RIMBP2: variants seen among roughly 807,000 people sequenced by gnomAD.
RIMBP2 encodes RIMS-binding protein 2.
RIMBP2 carries 48 observed loss-of-function variants against 118.6 expected under a neutral mutation model. The ratio of observed to expected loss-of-function variants is 0.40; its 90% CI spans 0.32 to 0.51. The LOEUF (loss-of-function observed/expected upper bound fraction) is 0.51. Among genes scored for constraint, RIMBP2 ranks in the 20% least tolerant of loss-of-function variants. The pLI is 0.41. For missense variants in RIMBP2, 1,551 were observed against 1,768.3 expected (o/e 0.88, Z 2.20); for synonymous variants, 762 against 742.9 (o/e 1.03, Z -0.42).
intron 2 of RIMBP2, among the ~76,000 whole-genome samples, chr12:130,601,875 C>G (rs2140439827): frequency 6.6e-6 from 1 of 152,306 alleles, no homozygotes; most frequent in South Asian, 2.1e-4. Context: ...GACATAATCC[C>G]TGTAGAAGCT....
At chr12:130,427,263 C>T (rs917999663) in intron 15 of RIMBP2, 7 of 152,206 alleles carry the variant, frequency 4.6e-5, no homozygotes, top group East Asian at 1.9e-4. Flanking sequence ...ATTTCCTCTC[C>T]AAGGCCTTTT....
At chr12:130,473,205 G>A (rs1012995029) in intron 5 of RIMBP2, among the ~76,000 whole-genome samples, 1 of 152,250 alleles carries the variant, frequency 6.6e-6, no homozygotes, top group Non-Finnish European at 1.5e-5. Flanking sequence ...AGAATAGACT[G>A]TTGAAATTGG....
At chr12:130,713,820 G>T (rs1378315191) in intron 1 of RIMBP2, among the ~76,000 whole-genome samples, 1 of 152,196 alleles carries the variant, frequency 6.6e-6, no homozygotes, top group African/African-American at 2.4e-5. Context: ...ACCAACCTAT[G>T]AGGCGTGCAC....
intron 2 of RIMBP2, among the ~76,000 whole-genome samples, chr12:130,527,168 G>A (rs2052891437): frequency 6.6e-6 from 1 of 152,132 alleles, no homozygotes. Flanking sequence ...ATGTAATTTG[G>A]GGAAAATTAT....
At chr12:130,453,018 T>G (rs1245680107) in intron 7 of RIMBP2, among the ~76,000 whole-genome samples, 2 of 152,110 alleles carry the variant, frequency 1.3e-5, no homozygotes. Flanking sequence ...CCCCTCGAGA[T>G]GCAAACACCG....
chr12:130,703,599 C>T lies in RIMBP2; in HGVS notation c.-352+12623G>A, dbSNP rs1438298673. On this transcript the variant is annotated intron_variant, in intron 1 of 22. Coordinates refer to ENST00000690449, the MANE Select transcript of RIMBP2 (RefSeq NM_001393629.1). The surrounding 1 kb of genome is among the most constrained non-coding windows in gnomAD (Gnocchi z 5.7). Reference sequence around the variant, plus strand: ...CTCCATCAGATCCCGTAATCGGATCCGGGCGCTTTAGCCCTCACGTGACTA... The same window carrying T: ...CTCCATCAGATCCCGTAATCGGATCTGGGCGCTTTAGCCCTCACGTGACTA... Among the ~76,000 whole-genome samples, 2 of 152,200 alleles carry T rather than the reference C, an allele frequency of 1.3e-5. No homozygotes were observed. The highest frequency in any genetic ancestry group is 2.9e-5 in the Non-Finnish European group (2 of 68,040).
At chr12:130,646,029 C>A (rs61936786) in intron 1 of RIMBP2, among the ~76,000 whole-genome samples, 1 of 139,000 alleles carries the variant, frequency 7.2e-6, no homozygotes, top group African/African-American at 2.5e-5. Context: ...ATCTGTGGTG[C>A]GGCAGCCAGT....
intron 1 of RIMBP2, among the ~76,000 whole-genome samples, chr12:130,644,787 C>G (rs1037997708): frequency 1.3e-5 from 2 of 152,250 alleles, no homozygotes; most frequent in African/African-American, 4.8e-5. Flanking sequence ...AAATCATCCT[C>G]CGGCCTGAGA....
At chr12:130,636,383 T>C (rs541374956) in intron 1 of RIMBP2, among the ~76,000 whole-genome samples, 1 of 152,290 alleles carries the variant, frequency 6.6e-6, no homozygotes, top group African/African-American at 2.4e-5. Context: ...GGCGGTTGTA[T>C]GTATCTTATT....
intron 2 of RIMBP2, among the ~76,000 whole-genome samples, chr12:130,575,910 G>A (rs1168645314): frequency 2.6e-5 from 4 of 152,176 alleles, no homozygotes; most frequent in African/African-American, 9.7e-5. Context: ...AAATGTTCTG[G>A]GCTTTTTCTT....
chr12:130,539,725 G>A (rs555015006), intron 2 of RIMBP2, among the ~76,000 whole-genome samples: 1 of 113,488 alleles, frequency 8.8e-6, no homozygotes, highest in Non-Finnish European at 1.7e-5. Flanking sequence ...AAATGCAGTC[G>A]ATGAGGTGGC....
At chr12:130,603,513 A>C (rs1292384773) in intron 2 of RIMBP2, among the ~76,000 whole-genome samples, 2 of 152,360 alleles carry the variant, frequency 1.3e-5, no homozygotes, top group East Asian at 3.9e-4. Context: ...ATGCAGAATC[A>C]TGTGCCCAGT....
At chr12:130,558,856 T>C (rs914095117) in intron 2 of RIMBP2, among the ~76,000 whole-genome samples, 1 of 152,042 alleles carries the variant, frequency 6.6e-6, no homozygotes, top group African/African-American at 2.4e-5. Context: ...TAAATGACAT[T>C]TGCTGTTAAC....
At chr12:130,712,130 T>C (rs573792002) in intron 1 of RIMBP2, among the ~76,000 whole-genome samples, 4 of 152,036 alleles carry the variant, frequency 2.6e-5, no homozygotes, top group Non-Finnish European at 5.9e-5. Flanking sequence ...GAGTGAGGAG[T>C]GGACGTGAGG....
intron 3 of RIMBP2, among the ~76,000 whole-genome samples, chr12:130,516,449 A>G (rs1308496123): frequency 6.6e-6 from 1 of 152,250 alleles, no homozygotes; most frequent in African/African-American, 2.4e-5. Flanking sequence ...GGAGACAGAC[A>G]AACACATAAG....
chr12:130,399,185 GAAAT>G, intron 22 of RIMBP2: 2 of 1,317,564 alleles, frequency 1.5e-6, no homozygotes, highest in Non-Finnish European at 2.0e-6. Flanking sequence ...GATGAGCAAA[GAAAT>G]AAAAATATAT....
intron 14 of RIMBP2, among the ~76,000 whole-genome samples, chr12:130,430,841 G>A (rs368029779): frequency 5.3e-5 from 8 of 152,008 alleles, no homozygotes; most frequent in African/African-American, 1.9e-4. Context: ...ATGTTGGCCT[G>A]GCTGGTCTCA....
At chr12:130,701,618 G>T (rs964107590) in intron 1 of RIMBP2, among the ~76,000 whole-genome samples, 1 of 152,138 alleles carries the variant, frequency 6.6e-6, no homozygotes, top group South Asian at 2.1e-4. Flanking sequence ...CAAGGAAGGC[G>T]TGAGACTGTG....
chr12:130,534,464 A>G (rs1188144190), intron 2 of RIMBP2, among the ~76,000 whole-genome samples: 1 of 152,226 alleles, frequency 6.6e-6, no homozygotes, highest in East Asian at 1.9e-4. Context: ...CAAGAAAAAA[A>G]AAAATTCTGG....
Sources: allele counts gnomAD v4.1 joint callset (sites outside exome capture counted in the v4.1 genomes callset), GRCh38; gene constraint gnomAD v4.1.1; non-coding constraint Gnocchi (gnomAD v3.1); transcripts MANE v1.5; gene names NCBI Gene and HGNC (gene_info 2026-07-23, HGNC 2026-07-21).